ANPEP: variants seen among roughly 807,000 people sequenced by gnomAD.
ANPEP encodes alanyl aminopeptidase, membrane, also known as aminopeptidase N.
ANPEP carries 70 observed loss-of-function variants against 114.6 expected under a neutral mutation model. The observed-to-expected ratio is 0.61, with a 90% CI of 0.50 to 0.75. ANPEP has a LOEUF of 0.75. Among genes scored for constraint, ANPEP ranks in the 30% least tolerant of loss-of-function variants. The probability of loss-of-function intolerance (pLI) is 0.00; values close to 1 mark genes in which losing one functional copy is unlikely to be tolerated. For missense variants in ANPEP, 1,184 were observed against 1,259.5 expected (o/e 0.94, Z 0.91); for synonymous variants, 548 against 522.3 (o/e 1.05, Z -0.67).
chr15:89,806,292 T>C lies in ANPEP; in HGVS notation c.292A>G (p.Arg98Gly), dbSNP rs766254593. ...TLRPYLTPNDRGLYVFKGSST... is the reference protein window; with the variant it reads ...TLRPYLTPNDGGLYVFKGSST... ...GAGCCCTTAAAAACGTACAGGCCCC[T>C]GTCATTGGGGGTGAGGTACGGTCTC... Residue 98 changes from arginine to glycine, a missense_variant, in exon 2 of 21, where the codon AGG (arginine) becomes GGG (glycine). By Grantham distance (125) the Arg-to-Gly change is moderately radical. Transcript: ENST00000300060. The surrounding 1 kb of genome is among the most constrained non-coding windows in gnomAD (Gnocchi z 5.7). 6 of 1,613,992 alleles carry C rather than the reference T, an allele frequency of 3.7e-6. No individual in the cohort carries two copies. The South Asian group carries it at 6.6e-5, about 18-fold the overall frequency.
chr15:89,804,485 A>G lies in ANPEP; in HGVS notation c.1024+6T>C, dbSNP rs1173425402. 2 of 1,613,936 alleles carry G rather than the reference A, an allele frequency of 1.2e-6. No individual in the cohort carries two copies. Among genetic ancestry groups the G allele is most frequent in the African/African-American group, 2.7e-5 (2 of 74,894 alleles). On this transcript the variant is annotated splice_donor_region_variant and intron_variant, in intron 5 of 20. Transcript: ENST00000300060. ...ACTGCCTCCCTCCTCAAGGACCCCC[A>G]CTCACCTGATTTTGGGAGTGGGTAG...
At chr15:89,790,362 G>A (rs1968596532) in intron 20 of ANPEP, 98 bp downstream of exon 20, 1 of 1,105,382 alleles carries the variant, frequency 9.0e-7, no homozygotes. Flanking sequence ...GCGGCGTGGA[G>A]CCTGTGCTCC....
At chr15:89,805,563 C>T in intron 2 of ANPEP, 100 bp from the exon 3 acceptor site, 2 of 1,476,336 alleles carry the variant, frequency 1.4e-6, no homozygotes, top group East Asian at 2.4e-5. Flanking sequence ...ACATGGAAGG[C>T]TGCCCCAGCC....
At chr15:89,793,201 TTGGG>T in intron 15 of ANPEP, 75 bp from the exon 16 acceptor site, 7 of 1,362,430 alleles carry the variant, frequency 5.1e-6, no homozygotes, top group Non-Finnish European at 6.2e-6. Flanking sequence ...GCCTCTGATG[TTGGG>T]GGGCAGGCGC....
chr15:89,799,199 T>G lies in ANPEP; in HGVS notation c.2009+61A>C. ...GCAGGAGGAGCAGGGGCCCTCATTG[T>G]GGACTCAGACTTGCTGAAGTCACGA... On this transcript the variant is annotated intron_variant, in intron 14 of 20. Coordinates refer to ENST00000300060, the MANE Select transcript of ANPEP (RefSeq NM_001150.3). This position sits in a 1 kb window ranked among gnomAD's most constrained non-coding sequence, Gnocchi z 4.2. 6.3e-7 allele frequency: 1 copy of G among 1,595,904 alleles called. No homozygotes were observed. Among genetic ancestry groups the G allele is most frequent in the East Asian group, 2.2e-5 (1 of 44,754 alleles).
intron 15 of ANPEP, among the ~76,000 whole-genome samples, chr15:89,795,328 G>T (rs1218583512): frequency 6.6e-6 from 1 of 152,144 alleles, no homozygotes; most frequent in Non-Finnish European, 1.5e-5. Context: ...AAAACTAGAG[G>T]ATGAAAGCAA....
intron 1 of ANPEP, among the ~76,000 whole-genome samples, chr15:89,812,664 G>A (rs1391983755): frequency 6.6e-6 from 1 of 151,934 alleles, no homozygotes; most frequent in Non-Finnish European, 1.5e-5. Context: ...TTATCCTGGT[G>A]AGACACATGG....
chr15:89,808,647 C>A (rs1439899252), intron 1 of ANPEP, among the ~76,000 whole-genome samples: 1 of 152,182 alleles, frequency 6.6e-6, no homozygotes, highest in Admixed American at 6.5e-5. Context: ...CTCTTCTGAG[C>A]CCTTCTCCAA....
intron 4 of ANPEP, 157 bp from the exon 5 acceptor site, chr15:89,804,774 G>A (rs1349413118): frequency 1.9e-5 from 20 of 1,078,882 alleles, no homozygotes; most frequent in Non-Finnish European, 2.4e-5. Context: ...AGAGGGGAAC[G>A]CTACTGGGGT....
In ANPEP at chr15:89,812,004, C is replaced by A. The variant is rs371888942; in HGVS notation, c.-224+2768G>T. 2.0e-4 allele frequency among the ~76,000 whole-genome samples: 30 copies of A among 152,340 alleles called. No homozygotes were observed. The South Asian group carries it at 6.2e-3, about 32-fold the overall frequency. On this transcript the variant is annotated intron_variant, in intron 1 of 20. Transcript: ENST00000300060. Reference sequence around the variant, plus strand: ...AACCAAAAAACATGAAGGTTGACAACGATCATGCCAGGGCATAACTAAGTC... The same window carrying A: ...AACCAAAAAACATGAAGGTTGACAAAGATCATGCCAGGGCATAACTAAGTC...
At position 89,797,741 on chromosome 15, in the gene ANPEP, G is replaced by C; in HGVS notation, c.2010-19C>G. 6.2e-7 allele frequency: 1 copy of C among 1,613,466 alleles called. No individual in the cohort carries two copies. Among genetic ancestry groups the C allele is most frequent in the Non-Finnish European group, 8.5e-7 (1 of 1,179,806 alleles). On this transcript the variant is annotated intron_variant, in intron 14 of 20. Coordinates refer to ENST00000300060, the MANE Select transcript of ANPEP (RefSeq NM_001150.3). ...ATGGGCACTGGGAATAAACAGAGGG[G>C]CCCAAGTAAAGCACCTCCACCCAGC...
At position 89,801,104 on chromosome 15, in the gene ANPEP, G is replaced by A. The variant is rs771847260; in HGVS notation, c.1819+7C>T. 4 of 1,613,694 alleles carry A rather than the reference G, an allele frequency of 2.5e-6. No individual in the cohort carries two copies. The highest frequency in any genetic ancestry group is 1.3e-5 in the African/African-American group (1 of 74,920). ...GGGCTGCTGCCCATAAGGCAGGGCTGGATTACCTCTTACATCTATCAGCCA... is the reference window on the plus strand; with the variant it reads ...GGGCTGCTGCCCATAAGGCAGGGCTAGATTACCTCTTACATCTATCAGCCA... On this transcript the variant is annotated splice_region_variant and intron_variant, in intron 12 of 20. Transcript: ENST00000300060.
chr15:89,791,415 CCTTCT>C lies in ANPEP; in HGVS notation c.2529-327_2529-323del, dbSNP rs1968621579. Reference sequence around the variant, plus strand: ...TCCCGTCTTTGACACTGAGGGTGGCCCTTCTTTTCTTTTCTTTTCTTTTCTCTTTT... The same window carrying C: ...TCCCGTCTTTGACACTGAGGGTGGCCTTTCTTTTCTTTTCTTTTCTCTTTT... On this transcript the variant is annotated intron_variant, in intron 18 of 20. Coordinates refer to ENST00000300060, the MANE Select transcript of ANPEP (RefSeq NM_001150.3). Among the ~76,000 whole-genome samples the C allele has an allele frequency of 3.1e-5, 3 of 96,746 alleles. No individual in the cohort carries two copies. The South Asian group carries it at 1.0e-3, about 32-fold the overall frequency. 63.5% of individuals were successfully genotyped at this position (96,746 alleles called of 152,430 possible).
At chr15:89,813,564 G>A (rs1894852685) in intron 1 of ANPEP, among the ~76,000 whole-genome samples, 1 of 152,110 alleles carries the variant, frequency 6.6e-6, no homozygotes, top group Non-Finnish European at 1.5e-5. Context: ...AGTGGATGAG[G>A]GCCTCATGGG....
In ANPEP at chr15:89,793,090, G is replaced by T. The variant is rs751893028; in HGVS notation, c.2194C>A (p.His732Asn). The T allele has an allele frequency of 4.3e-6, 7 of 1,614,026 alleles. No individual in the cohort carries two copies. The highest frequency in any genetic ancestry group is 5.9e-6 in the Non-Finnish European group (7 of 1,179,974). The change falls in exon 16 of 21, where the codon CAC becomes AAC. Residue 732 changes from histidine to asparagine, a missense_variant. Transcript: ENST00000300060. ...CAGTTGTTGGTATTATTTCTGAAGT[G>T]AATGAAGAGGGGTGTGACCTGCTTC... ...LKKQVTPLFI[H>N]FRNNTNNWRE...
intron 14 of ANPEP, among the ~76,000 whole-genome samples, chr15:89,798,026 T>G (rs755800278): frequency 6.6e-5 from 10 of 152,238 alleles, no homozygotes; most frequent in Admixed American, 1.3e-4. Flanking sequence ...TGAAGTGACT[T>G]GCCCAAGGTC....
chr15:89,801,287 G>A (rs941346536), intron 11 of ANPEP, 100 bp from the exon 12 acceptor site: 28 of 1,539,852 alleles, frequency 1.8e-5, no homozygotes, highest in African/African-American at 8.2e-5. Context: ...CTCTGGCACC[G>A]AGTGCCCCTG....
intron 1 of ANPEP, among the ~76,000 whole-genome samples, chr15:89,810,812 C>T (rs1160580418): frequency 6.6e-6 from 1 of 152,238 alleles, no homozygotes; most frequent in Non-Finnish European, 1.5e-5. Context: ...CTCAAACGCT[C>T]TCCCCTGTCA....
intron 12 of ANPEP, among the ~76,000 whole-genome samples, chr15:89,800,510 T>G (rs1189901167): frequency 6.6e-6 from 1 of 151,748 alleles, no homozygotes; most frequent in Non-Finnish European, 1.5e-5. Context: ...GGGCTGCTCA[T>G]AACATGTGCC....
Sources: gnomAD v4.1 joint callset for allele counts (sites outside exome capture counted in the v4.1 genomes callset) on GRCh38, gnomAD v4.1.1 for gene constraint, Gnocchi (gnomAD v3.1) non-coding constraint, MANE v1.5 for transcripts, NCBI Gene and HGNC (gene_info 2026-07-23, HGNC 2026-07-21) for gene names.